Variants in TAB2 observed in about 807,000 individuals in gnomAD.
TAB2 encodes TGF-beta activated kinase 1 (MAP3K7) binding protein 2.
A neutral mutation model predicts 65.0 loss-of-function variants in TAB2; 3 were observed. The ratio of observed to expected loss-of-function variants is 0.05; its 90% confidence interval spans 0.02 to 0.12. The LOEUF (loss-of-function observed/expected upper bound fraction) is 0.12, where lower values mean the gene tolerates loss of function less well. Among genes scored for constraint, TAB2 ranks in the 10% least tolerant of loss-of-function variants. The pLI, the probability that TAB2 is intolerant of heterozygous loss-of-function variation, is 1.00. For missense variants in TAB2, 623 were observed against 840.3 expected (o/e 0.74, Z 3.20); for synonymous variants, 298 against 285.1 (o/e 1.05, Z -0.46).
intron 3 of TAB2, among the ~76,000 whole-genome samples, chr6:149,393,977 G>A (rs944518374): frequency 6.6e-6 from 1 of 152,080 alleles, no homozygotes; most frequent in African/African-American, 2.4e-5. Flanking sequence ...GGGCTTCTTA[G>A]ATCTGTGATT....
intron 1 of TAB2, among the ~76,000 whole-genome samples, chr6:149,270,488 C>T (rs959201361): frequency 2.6e-5 from 4 of 152,042 alleles, no homozygotes; most frequent in East Asian, 3.9e-4. Context: ...ACTTCAAAAC[C>T]GCTAAGAGAG....
At chr6:149,357,430 A>AAACACACACACACACAC in intron 1 of TAB2, among the ~76,000 whole-genome samples, 18 of 111,180 alleles carry the variant, frequency 1.6e-4, no homozygotes, top group African/African-American at 3.8e-4. Flanking sequence ...AGAAAAAAAA[A>AAACACACACACACACAC]ACACACACAC....
intron 1 of TAB2, among the ~76,000 whole-genome samples, chr6:149,319,221 TAGTGGGCATGGAATAGA>T (rs1779357988): frequency 6.6e-6 from 1 of 152,250 alleles, no homozygotes; most frequent in South Asian, 2.1e-4. Flanking sequence ...CCGGGAATTT[TAGTGGGCATGGAATAGA>T]ATATTTGCTT....
chr6:149,229,404 G>GTGTGTGTGTGTGTT (rs1777354912), intron 1 of TAB2, among the ~76,000 whole-genome samples: 2 of 151,940 alleles, frequency 1.3e-5, no homozygotes, highest in Non-Finnish European at 2.9e-5. Context: ...GTGTGTGTGT[G>GTGTGTGTGTGTGTT]TGTGTGTGTG....
At chr6:149,317,041 T>A (rs760994738), upstream of TAB2, among the ~76,000 whole-genome samples, 32 of 149,296 alleles carry the variant, frequency 2.1e-4, no homozygotes, top group Non-Finnish European at 3.7e-4. This position sits in a 1 kb window ranked among gnomAD's most constrained non-coding sequence, Gnocchi z 4.7. Flanking sequence ...CGCCCCGGGG[T>A]CCGGCCGGGC....
At chr6:149,357,430 A>AACAC (rs1554261742) in intron 1 of TAB2, among the ~76,000 whole-genome samples, 3,732 of 110,704 alleles carry the variant, frequency 0.034, 155 homozygotes, top group African/African-American at 0.077. Context: ...AGAAAAAAAA[A>AACAC]ACACACACAC....
At chr6:149,311,862 A>G (rs1779171972) in intron 1 of TAB2, among the ~76,000 whole-genome samples, 1 of 152,244 alleles carries the variant, frequency 6.6e-6, no homozygotes, top group South Asian at 2.1e-4. Context: ...TAACAGTTTG[A>G]TAGCTATCCA....
At chr6:149,331,821 T>C (rs1779794275) in intron 1 of TAB2, among the ~76,000 whole-genome samples, 1 of 152,216 alleles carries the variant, frequency 6.6e-6, no homozygotes, top group East Asian at 1.9e-4. Flanking sequence ...TGGTAGCTAG[T>C]GGTTACTTAC....
At chr6:149,376,175 C>G (rs1376046849) in intron 2 of TAB2, among the ~76,000 whole-genome samples, 1 of 152,140 alleles carries the variant, frequency 6.6e-6, no homozygotes, top group African/African-American at 2.4e-5. Context: ...TTTCCATTAT[C>G]AAACTCTCGT....
chr6:149,363,941 G>A (rs564355885), intron 1 of TAB2, among the ~76,000 whole-genome samples: 1 of 152,194 alleles, frequency 6.6e-6, no homozygotes, highest in East Asian at 1.9e-4. Flanking sequence ...ATTCAGAGAC[G>A]AGACCACTAT....
At chr6:149,395,055 A>G (rs1782120400) in intron 3 of TAB2, among the ~76,000 whole-genome samples, 1 of 152,230 alleles carries the variant, frequency 6.6e-6, no homozygotes, top group African/African-American at 2.4e-5. Flanking sequence ...CCCTTTGTTT[A>G]GAGTCTTTCT....
intron 1 of TAB2, among the ~76,000 whole-genome samples, chr6:149,343,876 A>T (rs1378343053): frequency 1.3e-5 from 2 of 152,254 alleles, no homozygotes; most frequent in Non-Finnish European, 2.9e-5. Context: ...TGGGTAGATA[A>T]TCATACATGT....
At chr6:149,225,521 C>A (rs12201961) in intron 1 of TAB2, among the ~76,000 whole-genome samples, 8,880 of 152,214 alleles carry the variant, frequency 0.058, 450 homozygotes, top group South Asian at 0.14. Flanking sequence ...ATAAAGCCAA[C>A]ATCTTCTTGC....
chr6:149,342,589 G>T (rs1409399861), intron 1 of TAB2: 2 of 152,210 alleles, frequency 1.3e-5, no homozygotes, highest in East Asian at 3.9e-4. Flanking sequence ...AGACTTTGGG[G>T]ACTACCTTAC....
chr6:149,391,485 TTCTA>T (rs923664110), intron 3 of TAB2, among the ~76,000 whole-genome samples: 3 of 152,018 alleles, frequency 2.0e-5, no homozygotes, highest in African/African-American at 4.8e-5. Flanking sequence ...TGAACGAGCT[TTCTA>T]TCTATTTCTC....
chr6:149,397,441 C>CAAA (rs375953182), intron 3 of TAB2, among the ~76,000 whole-genome samples, 163 bp from the exon 4 acceptor site: 1 of 129,318 alleles, frequency 7.7e-6, no homozygotes, highest in African/African-American at 2.8e-5. Flanking sequence ...AACTCTGTGT[C>CAAA]AAAAAAAAAA....
chr6:149,302,143 G>A (rs529090188), intron 1 of TAB2, among the ~76,000 whole-genome samples: 1 of 152,252 alleles, frequency 6.6e-6, no homozygotes, highest in African/African-American at 2.4e-5. Flanking sequence ...CTAAAGAGCA[G>A]ACACTGTCAT....
intron 1 of TAB2, among the ~76,000 whole-genome samples, chr6:149,237,066 T>G (rs544503209): frequency 6.6e-6 from 1 of 152,278 alleles, no homozygotes; most frequent in East Asian, 1.9e-4. Flanking sequence ...CCGTGGATCG[T>G]GTTAGGCACT....
At chr6:149,253,510 A>T (rs1387350429) in intron 1 of TAB2, among the ~76,000 whole-genome samples, 2 of 151,348 alleles carry the variant, frequency 1.3e-5, no homozygotes, top group Non-Finnish European at 2.9e-5. Flanking sequence ...ACAAGCCTGT[A>T]ATCCCAGCTA....
Sources: gnomAD v4.1 joint callset for allele counts (sites outside exome capture counted in the v4.1 genomes callset) on GRCh38, gnomAD v4.1.1 for gene constraint, Gnocchi (gnomAD v3.1) non-coding constraint, MANE v1.5 for transcripts, NCBI Gene and HGNC (gene_info 2026-07-23, HGNC 2026-07-21) for gene names.